Variants in ZNF221 observed in about 807,000 individuals in gnomAD.
ZNF221 encodes zinc finger protein 221.
A neutral mutation model predicts 12.6 loss-of-function variants in ZNF221; 10 were observed. The ratio of observed to expected loss-of-function variants is 0.79; its 90% confidence interval spans 0.49 to 1.34. The LOEUF (loss-of-function observed/expected upper bound fraction) is 1.34. Among genes scored for constraint, ZNF221 ranks in the 40% most tolerant of loss-of-function variants. The pLI is 0.00. For synonymous variants in ZNF221, 232 were observed against 244.0 expected, an observed-to-expected ratio of 0.95 and a Z score of 0.46; for missense variants, 661 against 721.4, an observed-to-expected ratio of 0.92 and a Z score of 0.96.
At chr19:43,955,707 G>A (rs1179847441) in intron 1 of ZNF221, among the ~76,000 whole-genome samples, 1 of 152,210 alleles carries the variant, frequency 6.6e-6, no homozygotes, top group African/African-American at 2.4e-5. Flanking sequence ...TAGGAAAACA[G>A]CGTGTAATTC....
At chr19:43,972,362 T>C (rs1466009496), downstream of ZNF221, among the ~76,000 whole-genome samples, 2 of 151,564 alleles carry the variant, frequency 1.3e-5, no homozygotes, top group Admixed American at 6.6e-5. Flanking sequence ...ACAACTAAAA[T>C]AGAGAACCAA....
At chr19:43,974,416 G>A in the ZNF221 span, among the ~76,000 whole-genome samples, 1 of 152,240 alleles carries the variant, frequency 6.6e-6, no homozygotes, top group African/African-American at 2.4e-5. Flanking sequence ...AAACTAAAGA[G>A]CTTCTGCACA....
At chr19:43,970,205 A>AAGAAC (rs1277283384), downstream of ZNF221, among the ~76,000 whole-genome samples, 2 of 151,564 alleles carry the variant, frequency 1.3e-5, no homozygotes, top group East Asian at 1.9e-4. Flanking sequence ...TGACTGTTAA[A>AAGAAC]AACAGGCAGA....
chr19:43,953,658 A>G (rs960792678), intron 1 of ZNF221, among the ~76,000 whole-genome samples: 2 of 152,232 alleles, frequency 1.3e-5, no homozygotes, highest in African/African-American at 2.4e-5. Flanking sequence ...ATTCATGAGT[A>G]TACAAAAGAT....
At chr19:43,976,554 A>G in the ZNF221 span, among the ~76,000 whole-genome samples, 1 of 152,248 alleles carries the variant, frequency 6.6e-6, no homozygotes, top group East Asian at 1.9e-4. Flanking sequence ...ATTCCTAATA[A>G]GTTTTGAATT....
At chr19:43,951,645 A>G (rs1055428590) in intron 1 of ZNF221, among the ~76,000 whole-genome samples, 1 of 152,182 alleles carries the variant, frequency 6.6e-6, no homozygotes, top group Non-Finnish European at 1.5e-5. Context: ...AATGGGGGAT[A>G]TTAAGACCTT....
At chr19:43,978,121 A>G in the ZNF221 span, among the ~76,000 whole-genome samples, 2 of 152,206 alleles carry the variant, frequency 1.3e-5, no homozygotes, top group African/African-American at 4.8e-5. Context: ...ACAGGTTCTT[A>G]TTGAGATTGA....
chr19:43,966,505 GA>G lies in ZNF221; in HGVS notation c.1008del (p.Lys336AsnfsTer26), dbSNP rs752407075. 8.7e-6 allele frequency: 14 copies of G among 1,614,004 alleles called. No individual in the cohort carries two copies. The highest frequency in any genetic ancestry group is 1.2e-5 in the Non-Finnish European group (14 of 1,180,016). On this transcript the variant is annotated frameshift_variant, in exon 5 of 5. Transcript: ENST00000587682. LOFTEE classifies it low-confidence loss of function (END_TRUNC). ...TAGGCATTCCATGGTTCACACAGGA[GA>G]AAAACCATTCAGATGTGATACATGT... ...LNRHSMVHTG[E>X]KPFRCDTCGK...
At chr19:43,973,212 A>T in the ZNF221 span, among the ~76,000 whole-genome samples, 1 of 152,200 alleles carries the variant, frequency 6.6e-6, no homozygotes, top group South Asian at 2.1e-4. Flanking sequence ...TTCATGCTAA[A>T]AGCTCTCTGT....
Position 43,966,764 on chromosome 19 carries a change from C to A in ZNF221, c.1262C>A (p.Ser421Tyr). 1 of 1,614,204 alleles carries A rather than the reference C, an allele frequency of 6.2e-7. No individual in the cohort carries two copies. The highest frequency in any genetic ancestry group is 8.5e-7 in the Non-Finnish European group (1 of 1,180,034). Residue 421 changes from serine (S) to tyrosine (Y), a missense_variant, in exon 5 of 5, where the codon TCC (serine) becomes TAC (tyrosine). Physicochemically the swap from Ser to Tyr is moderately radical, Grantham distance 144. Coordinates refer to ENST00000587682, the MANE Select transcript of ZNF221 (RefSeq NM_001297588.2). ...CAGCAAGTCCACAGTGGACAAAAATCCTTCAAATGTGAAGAATGTGGGAAG... is the reference window on the plus strand; with the variant it reads ...CAGCAAGTCCACAGTGGACAAAAATACTTCAAATGTGAAGAATGTGGGAAG... ...NHQQVHSGQK[S>Y]FKCEECGKGF... is the part of the protein sequence containing the mutation.
chr19:43,965,142 A>G, intron 3 of ZNF221, 66 bp downstream of exon 3: 1 of 1,603,802 alleles, frequency 6.2e-7, no homozygotes, highest in Non-Finnish European at 8.5e-7. Flanking sequence ...TCCAAGTTTG[A>G]GTATGCATTG....
At chr19:43,978,468 C>G in the ZNF221 span, 1 of 152,096 alleles carries the variant, frequency 6.6e-6, no homozygotes, top group Non-Finnish European at 1.5e-5. Context: ...AAAGAAAATT[C>G]ATCAGATTAC....
chr19:43,961,971 G>T (rs936591601), intron 1 of ZNF221: 17 of 152,120 alleles, frequency 1.1e-4, no homozygotes, highest in African/African-American at 3.4e-4. Flanking sequence ...TCCACTGAAA[G>T]GTTACTTTTT....
At chr19:43,954,218 C>T (rs191260115) in intron 1 of ZNF221, among the ~76,000 whole-genome samples, 2 of 152,078 alleles carry the variant, frequency 1.3e-5, no homozygotes, top group East Asian at 1.9e-4. Flanking sequence ...ATTTGATATA[C>T]GGTTCTAAAA....
chr19:43,956,095 G>C (rs1414469420), intron 1 of ZNF221, among the ~76,000 whole-genome samples: 1 of 152,168 alleles, frequency 6.6e-6, no homozygotes, highest in South Asian at 2.1e-4. Context: ...CTAGTCCAAA[G>C]TCTCAGTAAT....
At chr19:43,954,633 CG>C (rs1974726708) in intron 1 of ZNF221, among the ~76,000 whole-genome samples, 1 of 152,176 alleles carries the variant, frequency 6.6e-6, no homozygotes, top group South Asian at 2.1e-4. Flanking sequence ...CCATCCCCAT[CG>C]GGCCCTCAGG....
At chr19:43,968,030 A>G (rs992006265), downstream of ZNF221, 2 of 152,448 alleles carry the variant, frequency 1.3e-5, no homozygotes, top group Non-Finnish European at 2.9e-5. Flanking sequence ...CTTCTCAACT[A>G]CAAGCTCATC....
At chr19:43,952,348 C>T (rs958838725) in intron 1 of ZNF221, among the ~76,000 whole-genome samples, 2 of 152,208 alleles carry the variant, frequency 1.3e-5, no homozygotes, top group African/African-American at 4.8e-5. Flanking sequence ...GACTCCTTGA[C>T]TACTGACAAC....
intron 1 of ZNF221, among the ~76,000 whole-genome samples, chr19:43,961,190 C>T (rs1056707413): frequency 6.6e-6 from 1 of 152,250 alleles, no homozygotes; most frequent in Non-Finnish European, 1.5e-5. Flanking sequence ...AAGCTATCCT[C>T]CTGCCTCAGC....
Sources: allele counts gnomAD v4.1 joint callset (sites outside exome capture counted in the v4.1 genomes callset), GRCh38; gene constraint gnomAD v4.1.1; transcripts MANE v1.5; gene names NCBI Gene and HGNC (gene_info 2026-07-23, HGNC 2026-07-21).